Variants in USP11 observed in about 807,000 individuals in gnomAD.
USP11 encodes ubiquitin carboxyl-terminal hydrolase 11.
Under a neutral mutation model 72.8 loss-of-function variants are expected in USP11, and 5 were observed. The ratio of observed to expected loss-of-function variants is 0.07; its 90% confidence interval spans 0.04 to 0.14. The LOEUF (loss-of-function observed/expected upper bound fraction) is 0.14. USP11 is among the 10% of genes least tolerant of loss of function. The probability of loss-of-function intolerance (pLI) is 1.00; values close to 1 mark genes in which losing one functional copy is unlikely to be tolerated. For missense variants in USP11, 480 were observed against 794.7 expected, an observed-to-expected ratio of 0.60 and a Z score of 4.76; for synonymous variants, 368 against 326.5, an observed-to-expected ratio of 1.13 and a Z score of -1.37.
chrX:47,238,885 G>C (rs992774234), intron 1 of USP11, among the ~76,000 whole-genome samples, 185 bp from the exon 2 acceptor site: 1 of 112,179 alleles, frequency 8.9e-6, no homozygotes, highest in Admixed American at 9.4e-5. Context: ...ATACTAAGAA[G>C]TTATCTAACA....
At chrX:47,237,966 G>A (rs1165398795) in intron 1 of USP11, among the ~76,000 whole-genome samples, 1 of 110,927 alleles carries the variant, frequency 9.0e-6, no homozygotes, top group Admixed American at 9.7e-5. Context: ...TTCTCACAAA[G>A]GTAGATTTCA....
At chrX:47,244,451 C>T (rs2055421090) in intron 13 of USP11, 47 bp from the exon 14 acceptor site, 1 of 1,196,640 alleles carries the variant, frequency 8.4e-7, no homozygotes, top group Non-Finnish European at 1.1e-6. Flanking sequence ...GGCTCTATCC[C>T]CACTGTCCTT....
At chrX:47,246,261 A>G (rs2055432491) in intron 17 of USP11, among the ~76,000 whole-genome samples, 1 of 112,415 alleles carries the variant, frequency 8.9e-6, no homozygotes, top group Non-Finnish European at 1.9e-5. Flanking sequence ...TGTTGCTTCT[A>G]CCTGTTTATA....
At chrX:47,247,465 AG>A in intron 19 of USP11, 46 bp downstream of exon 19, 1 of 1,189,002 alleles carries the variant, frequency 8.4e-7, no homozygotes, top group Non-Finnish European at 1.1e-6. Context: ...GGTTCTGGGC[AG>A]GGGGGCGATC....
chrX:47,247,751 C>T (rs1317868886), intron 20 of USP11, 42 bp from the exon 21 acceptor site: 6 of 1,206,651 alleles, frequency 5.0e-6, no homozygotes, highest in East Asian at 3.0e-5. Flanking sequence ...TTCCACCTCC[C>T]CACCCCCACA....
Position 47,243,376 on chromosome X carries a change from C to G in USP11, c.1584-20C>G. 8.3e-7 allele frequency: 1 copy of G among 1,210,436 alleles called. No homozygotes were observed. Among genetic ancestry groups the G allele is most frequent in the Non-Finnish European group, 1.1e-6 (1 of 894,119 alleles). ...CTCTGGGGGCCCTGATCAGGTGTGC[C>G]TGCTGTCCACCCCCCACAGCTATGA... On this transcript the variant is annotated intron_variant, in intron 12 of 20. Coordinates refer to ENST00000377107, the MANE Select transcript of USP11 (RefSeq NM_001371072.1).
Position 47,240,310 on chromosome X carries a change from G to A in USP11, c.541G>A (p.Val181Ile). 8.3e-7 allele frequency: 1 copy of A among 1,210,867 alleles called. No individual in the cohort carries two copies. The part of the protein sequence containing the change: ...QFSHTDSIGL[V>I]LRTARERFLV... Reference sequence around the variant, plus strand: ...TACTCCATCACCCCGCACAGGCCTAGTATTGCGCACAGCTCGGGAGCGGTT... The same window carrying A: ...TACTCCATCACCCCGCACAGGCCTAATATTGCGCACAGCTCGGGAGCGGTT... Residue 181 changes from valine to isoleucine, a missense_variant, in exon 5 of 21, where the codon GTA becomes ATA. Coordinates refer to ENST00000377107, the MANE Select transcript of USP11 (RefSeq NM_001371072.1).
Position 47,243,388 on chromosome X carries a change from C to T in USP11, c.1584-8C>T. On this transcript the variant is annotated splice_polypyrimidine_tract_variant and splice_region_variant and intron_variant, in intron 12 of 20. Coordinates refer to ENST00000377107, the MANE Select transcript of USP11 (RefSeq NM_001371072.1). Reference sequence around the variant, plus strand: ...TGATCAGGTGTGCCTGCTGTCCACCCCCCACAGCTATGAGGTGTCAGGTCG... The same window carrying T: ...TGATCAGGTGTGCCTGCTGTCCACCTCCCACAGCTATGAGGTGTCAGGTCG... 1 of 1,211,835 alleles carries T rather than the reference C, an allele frequency of 8.3e-7. No individual in the cohort carries two copies. The highest frequency in any genetic ancestry group is 1.1e-6 in the Non-Finnish European group (1 of 895,278).
Position 47,233,076 on chromosome X carries a change from T to TGCG in USP11, c.39_41dup (p.Ala14dup). On this transcript the variant is annotated inframe_insertion, in exon 1 of 21. Transcript: ENST00000377107. ...CGGTCGCAGCAAATCCAGCTGCTGCTGCGGCGGCTGTGGCGGCGGCAGCGG... is the reference window on the plus strand; with the variant it reads ...CGGTCGCAGCAAATCCAGCTGCTGCTGCGGCGGCGGCTGTGGCGGCGGCAGCGG... 10 of 1,206,707 alleles carry TGCG rather than the reference T, an allele frequency of 8.3e-6. No homozygotes were observed. Among genetic ancestry groups the TGCG allele is most frequent in the African/African-American group, 5.2e-5 (3 of 57,715 alleles).
Position 47,241,523 on chromosome X carries a change from C to A in USP11, c.1021-18C>A, listed in dbSNP as rs370560053. ...TCCTAACTCCCTCTCTCTCTGATGA[C>A]CCTGCCCATCTTCTTAGAACAAGGT... On this transcript the variant is annotated intron_variant, in intron 8 of 20. Coordinates refer to ENST00000377107, the MANE Select transcript of USP11 (RefSeq NM_001371072.1). 1.9e-5 allele frequency: 23 copies of A among 1,190,161 alleles called. No individual in the cohort carries two copies. Among genetic ancestry groups the A allele is most frequent in the Admixed American group, 6.8e-5 (3 of 44,018 alleles).
intron 1 of USP11, among the ~76,000 whole-genome samples, chrX:47,234,286 C>T (rs2055361285): frequency 8.9e-6 from 1 of 111,800 alleles, no homozygotes; most frequent in South Asian, 3.6e-4. Context: ...TGCAATTTAA[C>T]GAGTCATGAT....
intron 12 of USP11, 103 bp downstream of exon 12, chrX:47,242,823 C>T (rs1461685364): frequency 1.3e-5 from 8 of 635,352 alleles, no homozygotes; most frequent in African/African-American, 4.3e-5. Flanking sequence ...GCCTCTGCCT[C>T]GTTCACTGGG....
Position 47,242,861 on chromosome X carries a change from C to T in USP11, c.1583+141C>T. On this transcript the variant is annotated intron_variant, in intron 12 of 20. Coordinates refer to ENST00000377107, the MANE Select transcript of USP11 (RefSeq NM_001371072.1). ...CCTGCCCTGCGCAGAGCTTCAGCCACATGCCTTGGGAGGCTGAGGCAGGAG... is the reference window on the plus strand; with the variant it reads ...CCTGCCCTGCGCAGAGCTTCAGCCATATGCCTTGGGAGGCTGAGGCAGGAG... The T allele has an allele frequency of 1.0e-5, 5 of 498,534 alleles. No individual in the cohort carries two copies. In the Admixed American group the frequency reaches 1.7e-4, roughly 17 times the overall value. 41.1% of individuals were successfully genotyped at this position (498,534 alleles called of 1,213,427 possible).
chrX:47,233,752 G>A, intron 1 of USP11: 3 of 117,470 alleles, frequency 2.6e-5, no homozygotes, highest in Non-Finnish European at 3.4e-5. Context: ...AGGTTAGGTT[G>A]GTGACGTGAG....
chrX:47,242,339 A>G (rs761539293), intron 10 of USP11, 33 bp downstream of exon 10: 6 of 1,205,018 alleles, frequency 5.0e-6, no homozygotes, highest in Non-Finnish European at 6.7e-6. Flanking sequence ...GGAGATGATG[A>G]TGGACACATA....
chrX:47,245,352 CTGTT>C lies in USP11; in HGVS notation c.2158-17_2158-14del. ...TCCTCACAGCCGGCCATCTGGTTGTCTGTTCACCCAATCCTAGGGCTACGTGAAG... is the reference window on the plus strand; with the variant it reads ...TCCTCACAGCCGGCCATCTGGTTGTCCACCCAATCCTAGGGCTACGTGAAG... On this transcript the variant is annotated splice_polypyrimidine_tract_variant and intron_variant, in intron 16 of 20. Transcript: ENST00000377107. 1 of 1,194,406 alleles carries C rather than the reference CTGTT, an allele frequency of 8.4e-7. No homozygotes were observed. The highest frequency in any genetic ancestry group is 1.1e-6 in the Non-Finnish European group (1 of 880,650).
intron 17 of USP11, 37 bp downstream of exon 17, chrX:47,245,519 C>A: frequency 6.8e-4 from 512 of 758,154 alleles, no homozygotes; most frequent in Non-Finnish European, 9.3e-4. Flanking sequence ...GTGGGGGTTT[C>A]ATTGGATGGA....
In USP11 at chrX:47,240,435, C is replaced by T; in HGVS notation, c.666C>T (p.Ala222=). Residue 222 remains alanine (A), a synonymous_variant, in exon 5 of 21, where the codon GCC becomes GCT. Coordinates refer to ENST00000377107, the MANE Select transcript of USP11 (RefSeq NM_001371072.1). ...CACACATCACGGTTCTCGATGCGGC[C>T]CTTGAGACTGGGCAGGTAAGGGTGG... ...YDTHITVLDA[A]LETGQLIIME... The T allele has an allele frequency of 1.7e-6, 2 of 1,211,739 alleles. No individual in the cohort carries two copies. Among genetic ancestry groups the T allele is most frequent in the Non-Finnish European group, 2.2e-6 (2 of 895,537 alleles).
At position 47,233,022 on chromosome X, in the gene USP11, C is replaced by T; in HGVS notation, c.-22C>T. 8.3e-7 allele frequency: 1 copy of T among 1,211,921 alleles called. No homozygotes were observed. The highest frequency in any genetic ancestry group is 1.1e-6 in the Non-Finnish European group (1 of 895,550). On this transcript the variant is annotated 5_prime_UTR_variant, in exon 1 of 21. Transcript: ENST00000377107. ...TTCCAATCTCGCACAGCTGCGTTGG[C>T]TGTAGAAGAGAACGGACGGCGATGG...
Sources: allele counts gnomAD v4.1 joint callset (sites outside exome capture counted in the v4.1 genomes callset), GRCh38; gene constraint gnomAD v4.1.1; transcripts MANE v1.5; gene names NCBI Gene and HGNC (gene_info 2026-07-23, HGNC 2026-07-21).